RMDN2: variants seen among roughly 807,000 people sequenced by gnomAD.
RMDN2 encodes the protein regulator of microtubule dynamics protein 2.
RMDN2 carries 61 observed loss-of-function variants against 52.8 expected under a neutral mutation model. That is an observed-to-expected ratio of 1.16 (90% CI 0.94 to 1.43). RMDN2 has a LOEUF of 1.43. Among genes scored for constraint, RMDN2 ranks in the 40% most tolerant of loss-of-function variants. The probability of loss-of-function intolerance (pLI) is 0.00; values close to 1 mark genes in which losing one functional copy is unlikely to be tolerated. For missense variants in RMDN2, 592 were observed against 475.3 expected (o/e 1.25, Z -2.28); for synonymous variants, 180 against 153.1 (o/e 1.18, Z -1.30).
At chr2:38,031,433 C>G (rs1055264478) in intron 10 of RMDN2, among the ~76,000 whole-genome samples, 8 of 151,844 alleles carry the variant, frequency 5.3e-5, no homozygotes, top group African/African-American at 1.9e-4. Context: ...TTCCCACCTC[C>G]CAGCCTCCCC....
intron 2 of RMDN2, among the ~76,000 whole-genome samples, chr2:37,933,065 G>C (rs1158874009): frequency 1.3e-5 from 2 of 151,678 alleles, no homozygotes; most frequent in African/African-American, 4.8e-5. Flanking sequence ...CAGATGGGGC[G>C]GTTGCCAGGC....
intron 4 of RMDN2, among the ~76,000 whole-genome samples, chr2:37,980,894 A>T (rs1328193795): frequency 6.6e-6 from 1 of 151,492 alleles, no homozygotes; most frequent in African/African-American, 2.4e-5. Flanking sequence ...TTTACATTTT[A>T]TTCCCAGACA....
At chr2:37,954,082 T>C (rs1242052001) in intron 2 of RMDN2, among the ~76,000 whole-genome samples, 5 of 152,068 alleles carry the variant, frequency 3.3e-5, no homozygotes, top group Admixed American at 6.6e-5. Flanking sequence ...GAGTTCTTTA[T>C]ATATTTTGGA....
chr2:38,059,959 T>G (rs1380183290), intron 10 of RMDN2, among the ~76,000 whole-genome samples: 1 of 151,990 alleles, frequency 6.6e-6, no homozygotes, highest in Non-Finnish European at 1.5e-5. Flanking sequence ...GTGCAGTGAC[T>G]CGATCTCGGC....
At chr2:38,028,323 T>C (rs1679932057) in intron 10 of RMDN2, 1 of 152,162 alleles carries the variant, frequency 6.6e-6, no homozygotes, top group South Asian at 2.1e-4. Context: ...TCCAGAAAAA[T>C]AACATTTTAT....
At chr2:38,007,849 A>G (rs1236225565) in intron 10 of RMDN2, among the ~76,000 whole-genome samples, 1 of 152,138 alleles carries the variant, frequency 6.6e-6, no homozygotes, top group Non-Finnish European at 1.5e-5. Flanking sequence ...ATTTAGTGCT[A>G]TAAATTTCCC....
At chr2:38,017,789 T>C (rs1285535039), downstream of RMDN2, 1 of 261,228 alleles carries the variant, frequency 3.8e-6, no homozygotes, top group African/African-American at 2.3e-5. Flanking sequence ...CAAACAGGCT[T>C]TGTGTGAGCA....
At chr2:38,038,710 T>G (rs1248517433) in intron 10 of RMDN2, among the ~76,000 whole-genome samples, 2 of 152,168 alleles carry the variant, frequency 1.3e-5, no homozygotes, top group African/African-American at 4.8e-5. Flanking sequence ...GGAATCGGAA[T>G]AGAAGGTGGG....
chr2:37,933,406 G>A lies in RMDN2; in HGVS notation c.452+3677G>A, dbSNP rs527415542. Among the ~76,000 whole-genome samples the A allele has an allele frequency of 2.0e-5, 3 of 152,370 alleles. No homozygotes were observed. The South Asian group carries it at 6.2e-4, about 32-fold the overall frequency. On this transcript the variant is annotated intron_variant, in intron 2 of 10. Coordinates refer to ENST00000354545, the MANE Select transcript of RMDN2 (RefSeq NM_001170791.3). ...AGAGGCTGCAATCTCGGCACTTTGG[G>A]AGGCCAAGGCAGGCGGCTGGGAGGT...
chr2:37,997,319 CGT>C, intron 7 of RMDN2, 95 bp from the exon 8 acceptor site: 1 of 775,818 alleles, frequency 1.3e-6, no homozygotes, highest in East Asian at 2.5e-5. Context: ...CACACACACA[CGT>C]ATATACACAT....
intron 2 of RMDN2, among the ~76,000 whole-genome samples, chr2:37,964,472 C>A (rs979001657): frequency 4.6e-5 from 7 of 152,142 alleles, no homozygotes; most frequent in African/African-American, 1.7e-4. Context: ...TTTTAATTCT[C>A]ACATATTTAT....
chr2:37,957,909 T>TCCCCTTG (rs1669690229), intron 2 of RMDN2, among the ~76,000 whole-genome samples: 1 of 152,216 alleles, frequency 6.6e-6, no homozygotes, highest in East Asian at 1.9e-4. Flanking sequence ...GGGAATCCTT[T>TCCCCTTG]CCCCTTGCTT....
chr2:37,976,988 C>G (rs1672556178), intron 4 of RMDN2, among the ~76,000 whole-genome samples: 1 of 151,820 alleles, frequency 6.6e-6, no homozygotes, highest in Non-Finnish European at 1.5e-5. Flanking sequence ...GGCAGAGGGC[C>G]CTGCCGCCTT....
chr2:37,959,168 A>G (rs1483399891), intron 2 of RMDN2, among the ~76,000 whole-genome samples: 5 of 151,080 alleles, frequency 3.3e-5, no homozygotes, highest in Admixed American at 6.6e-5. Context: ...TGGCCTCATA[A>G]AATGAGTTAG....
At chr2:38,053,918 T>C (rs528799680) in intron 10 of RMDN2, among the ~76,000 whole-genome samples, 1 of 152,358 alleles carries the variant, frequency 6.6e-6, no homozygotes, top group Non-Finnish European at 1.5e-5. Flanking sequence ...TTTTAAATAG[T>C]TATTTTGATA....
At chr2:38,003,144 A>C (rs191973232) in intron 8 of RMDN2, 1 of 152,332 alleles carries the variant, frequency 6.6e-6, no homozygotes, top group African/African-American at 2.4e-5. Flanking sequence ...GATTTGATGG[A>C]CTTCAGATAT....
At chr2:37,957,684 A>G (rs1272900359) in intron 2 of RMDN2, among the ~76,000 whole-genome samples, 2 of 151,998 alleles carry the variant, frequency 1.3e-5, no homozygotes, top group Non-Finnish European at 2.9e-5. Context: ...TTTTGTTGCA[A>G]TTGCTTTTGG....
intron 7 of RMDN2, among the ~76,000 whole-genome samples, chr2:37,992,392 A>C (rs1674927374): frequency 1.3e-5 from 2 of 152,234 alleles, no homozygotes; most frequent in Non-Finnish European, 1.5e-5. Context: ...GAATGATTAC[A>C]ACACTCAAAT....
At chr2:37,942,354 C>T (rs1667869038) in intron 2 of RMDN2, among the ~76,000 whole-genome samples, 1 of 151,854 alleles carries the variant, frequency 6.6e-6, no homozygotes, top group Admixed American at 6.6e-5. Flanking sequence ...GACCATCTTG[C>T]CTGGGAATCC....
Sources: gnomAD v4.1 joint callset for allele counts (sites outside exome capture counted in the v4.1 genomes callset) on GRCh38, gnomAD v4.1.1 for gene constraint, MANE v1.5 for transcripts, NCBI Gene and HGNC (gene_info 2026-07-23, HGNC 2026-07-21) for gene names.